The following CXorf58 variants were observed in gnomAD, a reference collection of about 807,000 sequenced individuals.
CXorf58 encodes chromosome X open reading frame 58.
In CXorf58, 24 loss-of-function variants were observed where a neutral mutation model predicts 26.0. The ratio of observed to expected loss-of-function variants is 0.92; its 90% confidence interval spans 0.67 to 1.30. The LOEUF is 1.30. CXorf58 is among the 50% of genes most tolerant of loss of function. The probability of loss-of-function intolerance (pLI) is 0.00; values close to 1 mark genes in which losing one functional copy is unlikely to be tolerated. For missense variants in CXorf58, 236 were observed against 263.9 expected (o/e 0.89, Z 0.73); for synonymous variants, 87 against 86.1 (o/e 1.01, Z -0.06).
Position 23,927,388 on chromosome X carries a change from A to G in CXorf58, c.555+18A>G. 2.8e-6 allele frequency: 3 copies of G among 1,089,831 alleles called. No individual in the cohort carries two copies. The highest frequency in any genetic ancestry group is 3.6e-6 in the Non-Finnish European group (3 of 822,741). The allele number at this position is 1,089,831 out of a possible 1,213,427, so 89.8% of individuals were successfully genotyped here. A position where few individuals can be genotyped will look rare whatever the true frequency, so the allele number is the denominator to read the frequency against. On this transcript the variant is annotated intron_variant, in intron 6 of 8. Coordinates refer to ENST00000379211, the MANE Select transcript of CXorf58 (RefSeq NM_152761.3). ...ATGTACAAGTAAGGAATTTAGATTT[A>G]GAAAAACAAACAAACCCAGCAAGTC...
intron 6 of CXorf58, among the ~76,000 whole-genome samples, chrX:23,929,362 C>T (rs1315235967): frequency 9.9e-6 from 1 of 100,997 alleles, no homozygotes; most frequent in Non-Finnish European, 2.0e-5. Flanking sequence ...GCCGAAATTG[C>T]GCCACTGCAC....
intron 1 of CXorf58, among the ~76,000 whole-genome samples, chrX:23,909,352 T>TTGTCA (rs1927507654): frequency 9.0e-6 from 1 of 111,459 alleles, no homozygotes; most frequent in Non-Finnish European, 1.9e-5. Flanking sequence ...ATTGATGACT[T>TTGTCA]TGTCATCAAT....
intron 7 of CXorf58, among the ~76,000 whole-genome samples, chrX:23,936,536 C>T (rs966199870): frequency 2.7e-5 from 3 of 111,898 alleles, no homozygotes; most frequent in Non-Finnish European, 3.8e-5. Flanking sequence ...ATTACTAAGC[C>T]TCACTTAGCC....
intron 6 of CXorf58, among the ~76,000 whole-genome samples, chrX:23,927,937 G>A (rs1928057124): frequency 9.0e-6 from 1 of 111,546 alleles, no homozygotes; most frequent in Non-Finnish European, 1.9e-5. Context: ...CCTGCATCCA[G>A]TAAGCAGTCA....
At chrX:23,924,538 G>C (rs890365159) in intron 5 of CXorf58, among the ~76,000 whole-genome samples, 5 of 109,478 alleles carry the variant, frequency 4.6e-5, no homozygotes, top group Non-Finnish European at 9.5e-5. Context: ...GGCCAGGCTG[G>C]AATCGAACCC....
At position 23,911,769 on chromosome X, in the gene CXorf58, C is replaced by T; in HGVS notation, c.129C>T (p.Asp43=). Residue 43 remains aspartate, a synonymous_variant, in exon 3 of 9, where the codon GAC becomes GAT. Coordinates refer to ENST00000379211, the MANE Select transcript of CXorf58 (RefSeq NM_152761.3). ...TTTTTTCTCTCAGAATGCTTAAAGA[C>T]ATTTCAGCTCAAATAATACAGAGGG... ...NARSLLSMLK[D]ISAQIIQRAW... 8.5e-7 allele frequency: 1 copy of T among 1,177,339 alleles called. No individual in the cohort carries two copies. The highest frequency in any genetic ancestry group is 1.1e-6 in the Non-Finnish European group (1 of 872,232).
At chrX:23,915,583 C>T in intron 3 of CXorf58, 117 bp from the exon 4 acceptor site, 2 of 437,458 alleles carry the variant, frequency 4.6e-6, no homozygotes, top group East Asian at 7.9e-5. Flanking sequence ...AAACCCACCC[C>T]TTCAGAACTC....
At chrX:23,911,952 T>A in intron 3 of CXorf58, 96 bp downstream of exon 3, 31 of 526,921 alleles carry the variant, frequency 5.9e-5, no homozygotes, top group Non-Finnish European at 8.6e-5. Flanking sequence ...CTTTATCTCC[T>A]CTTTTTTTTT....
At chrX:23,921,922 C>T (rs1347736173) in intron 5 of CXorf58, among the ~76,000 whole-genome samples, 1 of 109,589 alleles carries the variant, frequency 9.1e-6, no homozygotes, top group African/African-American at 3.3e-5. Context: ...AGGCTGATCT[C>T]GAACTCCTGG....
intron 6 of CXorf58, among the ~76,000 whole-genome samples, chrX:23,933,400 T>C (rs1257432166): frequency 3.6e-5 from 4 of 111,826 alleles, no homozygotes; most frequent in Non-Finnish European, 7.5e-5. Context: ...TGATGATATA[T>C]ATTTGTATTT....
chrX:23,937,475 A>C (rs1286660431), intron 7 of CXorf58, among the ~76,000 whole-genome samples: 5 of 98,451 alleles, frequency 5.1e-5, no homozygotes, highest in Non-Finnish European at 1.0e-4. Flanking sequence ...CCCAGGCTGG[A>C]GTACAATGGC....
intron 7 of CXorf58, among the ~76,000 whole-genome samples, chrX:23,936,338 G>C (rs1928296612): frequency 8.9e-6 from 1 of 111,746 alleles, no homozygotes; most frequent in African/African-American, 3.3e-5. Flanking sequence ...TTCTATTCTT[G>C]CTACTCTGGC....
chrX:23,929,274 C>T (rs763515363), intron 6 of CXorf58, among the ~76,000 whole-genome samples: 2 of 108,566 alleles, frequency 1.8e-5, no homozygotes, highest in African/African-American at 3.4e-5. Context: ...GGCATGGTGG[C>T]GGGCACCTAT....
At chrX:23,912,726 A>G (rs1180794758) in intron 3 of CXorf58, among the ~76,000 whole-genome samples, 1 of 111,620 alleles carries the variant, frequency 9.0e-6, no homozygotes, top group African/African-American at 3.3e-5. Context: ...CCTGGGCGAC[A>G]GTGAGACTCT....
rs1927469384 is a variant in CXorf58 at position 23,908,287 on chromosome X, G to T, written c.-63G>T. The T allele has an allele frequency of 8.9e-6, 1 of 112,887 alleles. No individual in the cohort carries two copies. Among genetic ancestry groups the T allele is most frequent in the Admixed American group, 9.3e-5 (1 of 10,790 alleles). 9.3% of individuals were successfully genotyped at this position (112,887 alleles called of 1,213,427 possible). On this transcript the variant is annotated 5_prime_UTR_variant, in exon 1 of 9. The change creates a premature stop within an existing upstream ORF in the 5' untranslated region. Transcript: ENST00000379211. ...AACTAATATGCTGTGTCCTTTAATC[G>T]GAAAAGGCTCTGACCTTATTTTTTC...
In CXorf58 at chrX:23,910,242, T is replaced by A. The variant is rs752366803; in HGVS notation, c.-20-41T>A. On this transcript the variant is annotated intron_variant, in intron 1 of 8. Transcript: ENST00000379211. The stretch of plus-strand genomic sequence containing the variant: ...GAGTCTTGTCCAAACAGTGTAATAG[T>A]ATAAATTATGACCTCAAAGGGTTAA... 53 of 660,487 alleles carry A rather than the reference T, an allele frequency of 8.0e-5. 2 individuals carry two copies. The South Asian group carries it at 1.2e-3, about 15-fold the overall frequency. The allele number at this position is 660,487 out of a possible 1,213,427, so 54.4% of individuals were successfully genotyped here.
chrX:23,929,331 A>G (rs1383683028), intron 6 of CXorf58, among the ~76,000 whole-genome samples: 2 of 104,373 alleles, frequency 1.9e-5, no homozygotes, highest in African/African-American at 3.6e-5. Context: ...GCGTGAACCC[A>G]GGAGGCGGAG....
rs1156831958 is a variant in CXorf58 at position 23,927,351 on chromosome X, C to T, written c.536C>T (p.Thr179Ile). The T allele has an allele frequency of 8.5e-7, 1 of 1,174,003 alleles. No individual in the cohort carries two copies. The highest frequency in any genetic ancestry group is 3.1e-5 in the East Asian group (1 of 31,907). ...SKVTDIMDVV[T>I]MQDYVQYRSF... ...GTAACTGATATAATGGATGTTGTCACCATGCAAGATTATGTACAAGTAAGG... is the reference window on the plus strand; with the variant it reads ...GTAACTGATATAATGGATGTTGTCATCATGCAAGATTATGTACAAGTAAGG... The change falls in exon 6 of 9, where the codon ACC becomes ATC. Residue 179 changes from threonine to isoleucine, a missense_variant. Thr to Ile is a moderately conservative substitution (Grantham distance 89). Coordinates refer to ENST00000379211, the MANE Select transcript of CXorf58 (RefSeq NM_152761.3).
chrX:23,920,050 C>T (rs967042745), intron 5 of CXorf58, among the ~76,000 whole-genome samples: 3 of 112,453 alleles, frequency 2.7e-5, no homozygotes, highest in African/African-American at 6.5e-5. Flanking sequence ...AGCTGGGGGA[C>T]GGGTAAAACA....
Sources: allele counts gnomAD v4.1 joint callset (sites outside exome capture counted in the v4.1 genomes callset), GRCh38; gene constraint gnomAD v4.1.1; transcripts MANE v1.5; gene names NCBI Gene and HGNC (gene_info 2026-07-23, HGNC 2026-07-21).